Variants in ADCY1 observed in about 807,000 individuals in gnomAD.
The protein encoded by ADCY1 is adenylate cyclase 1.
In ADCY1, 28 loss-of-function variants were observed where a neutral mutation model predicts 105.4. The ratio of observed to expected loss-of-function variants is 0.27; its 90% CI spans 0.20 to 0.36. ADCY1 has a LOEUF of 0.36. Among genes scored for constraint, ADCY1 ranks in the 10% least tolerant of loss-of-function variants. The probability of loss-of-function intolerance (pLI) is 1.00; values close to 1 mark genes in which losing one functional copy is unlikely to be tolerated. For synonymous variants in ADCY1, 655 were observed against 623.8 expected (o/e 1.05, Z -0.75); for missense variants, 977 against 1,434.2 (o/e 0.68, Z 5.15).
At chr7:45,599,912 C>T (rs928465921) in intron 2 of ADCY1, among the ~76,000 whole-genome samples, 4 of 152,226 alleles carry the variant, frequency 2.6e-5, no homozygotes, top group African/African-American at 7.2e-5. Flanking sequence ...AGGTGTGAGC[C>T]GCCTTGAGCG....
At position 45,678,344 on chromosome 7, in the gene ADCY1, G is replaced by A. The variant is rs12690837; in HGVS notation, c.1898+81G>A. The A allele has an allele frequency of 0.084, 115,735 of 1,374,448 alleles. 5,635 individuals are homozygous for A. Among genetic ancestry groups the A allele is most frequent in the Non-Finnish European group, 0.098 (94,345 of 964,564 alleles). 85.1% of individuals were successfully genotyped at this position (1,374,448 alleles called of 1,614,324 possible). ...GTTCGTGGTTGTGTTTCTGGGGTTCGTGGTTGTGTTTCTGTTGTATGCTCA... is the reference window on the plus strand; with the variant it reads ...GTTCGTGGTTGTGTTTCTGGGGTTCATGGTTGTGTTTCTGTTGTATGCTCA... On this transcript the variant is annotated intron_variant, in intron 10 of 19. Coordinates refer to ENST00000297323, the MANE Select transcript of ADCY1 (RefSeq NM_021116.4).
intron 2 of ADCY1, among the ~76,000 whole-genome samples, chr7:45,599,115 A>G (rs571866540): frequency 1.3e-5 from 2 of 152,268 alleles, no homozygotes; most frequent in South Asian, 2.1e-4. Context: ...CACCTGTGCA[A>G]GTGGAACTGA....
chr7:45,606,628 A>G (rs893094184), intron 2 of ADCY1, among the ~76,000 whole-genome samples: 4 of 152,214 alleles, frequency 2.6e-5, no homozygotes, highest in South Asian at 2.1e-4. Context: ...TGTAACATCC[A>G]GGACTTTCAG....
rs1445218618 is a variant in ADCY1, at chr7:45,685,954, C to T, written c.2074-8C>T. 1.2e-6 allele frequency: 2 copies of T among 1,610,176 alleles called. No homozygotes were observed. Among genetic ancestry groups the T allele is most frequent in the Non-Finnish European group, 1.7e-6 (2 of 1,177,732 alleles). On this transcript the variant is annotated splice_polypyrimidine_tract_variant and splice_region_variant and intron_variant, in intron 12 of 19. Transcript: ENST00000297323. ...TTTGCTAAGCCCCTGTGACCCCTCC[C>T]TTCCCAGGTGGGCTGCCTGCCTTGG...
chr7:45,679,477 A>G (rs1050051495), intron 10 of ADCY1, among the ~76,000 whole-genome samples: 7 of 152,216 alleles, frequency 4.6e-5, no homozygotes, highest in Non-Finnish European at 7.3e-5. Context: ...AGTGGGAGGT[A>G]GACTCAGGAG....
At chr7:45,687,802 CTG>C (rs986008904) in intron 14 of ADCY1, among the ~76,000 whole-genome samples, 2 of 152,164 alleles carry the variant, frequency 1.3e-5, no homozygotes, top group Non-Finnish European at 2.9e-5. Flanking sequence ...CAGCTGCCAT[CTG>C]TGTGATCTTT....
chr7:45,659,411 C>A (rs569557889), intron 6 of ADCY1, among the ~76,000 whole-genome samples: 1 of 152,192 alleles, frequency 6.6e-6, no homozygotes, highest in South Asian at 2.1e-4. Context: ...CATAAACCTG[C>A]GAGCTCAGGC....
At chr7:45,610,978 G>GC (rs1554318284) in intron 3 of ADCY1, among the ~76,000 whole-genome samples, 8 of 18,740 alleles carry the variant, frequency 4.3e-4, no homozygotes, top group Middle Eastern at 0.045. Context: ...TGGTGGAGGT[G>GC]GGGGGTGATA....
At chr7:45,598,861 C>G (rs543352290) in intron 2 of ADCY1, among the ~76,000 whole-genome samples, 1 of 152,276 alleles carries the variant, frequency 6.6e-6, no homozygotes, top group East Asian at 1.9e-4. Flanking sequence ...GGACGGAGCT[C>G]GGATTCCCAC....
intron 3 of ADCY1, among the ~76,000 whole-genome samples, chr7:45,617,420 G>A (rs1793767788): frequency 1.3e-5 from 2 of 152,226 alleles, no homozygotes. Flanking sequence ...GGTCAGCTGT[G>A]ATAGGTGGGA....
chr7:45,628,681 A>G (rs78055697), intron 4 of ADCY1, among the ~76,000 whole-genome samples: 7,224 of 152,170 alleles, frequency 0.047, 251 homozygotes, highest in South Asian at 0.16. Flanking sequence ...GAATCTGTCA[A>G]TTTTCCTAGG....
chr7:45,685,920 C>T (rs755145926), intron 12 of ADCY1, 42 bp from the exon 13 acceptor site: 8 of 1,583,796 alleles, frequency 5.1e-6, no homozygotes, highest in Admixed American at 3.4e-5. Flanking sequence ...TGCAGGTCTT[C>T]ACCTGCCCTT....
intron 4 of ADCY1, among the ~76,000 whole-genome samples, chr7:45,623,657 T>G (rs1279898071): frequency 6.6e-6 from 1 of 152,230 alleles, no homozygotes; most frequent in Non-Finnish European, 1.5e-5. Flanking sequence ...AAAGCTAGAA[T>G]GTGCCCTATT....
intron 14 of ADCY1, among the ~76,000 whole-genome samples, chr7:45,698,216 A>G (rs1784924985): frequency 1.3e-5 from 2 of 152,138 alleles, no homozygotes; most frequent in South Asian, 4.1e-4. Context: ...TTCCTAGGGC[A>G]GTGTGGAACA....
At chr7:45,637,617 T>TTGA (rs897834991) in intron 4 of ADCY1, among the ~76,000 whole-genome samples, 10 of 152,144 alleles carry the variant, frequency 6.6e-5, no homozygotes, top group Non-Finnish European at 1.0e-4. Context: ...CCTACTTATT[T>TTGA]GGGAGGCTGA....
chr7:45,689,468 C>T (rs1784746382), intron 14 of ADCY1, among the ~76,000 whole-genome samples: 1 of 152,100 alleles, frequency 6.6e-6, no homozygotes, highest in African/African-American at 2.4e-5. Context: ...CATGAACATA[C>T]ATGTCACATG....
chr7:45,633,197 C>T (rs1038782612), intron 4 of ADCY1, among the ~76,000 whole-genome samples: 2 of 152,216 alleles, frequency 1.3e-5, no homozygotes, highest in Non-Finnish European at 2.9e-5. Context: ...GTATTACAGG[C>T]GTAAGTCACA....
At chr7:45,657,693 G>A (rs776743815) in intron 5 of ADCY1, 34 bp from the exon 6 acceptor site, 2 of 1,595,492 alleles carry the variant, frequency 1.3e-6, no homozygotes, top group Admixed American at 1.7e-5. Context: ...ATACAAGGTG[G>A]GCCCTAGCCC....
rs768506366 is a variant in ADCY1 at position 45,575,110 on chromosome 7, C to T, written c.567C>T (p.Leu189=). The T allele has an allele frequency of 1.9e-6, 3 of 1,612,480 alleles. No homozygotes were observed. Among genetic ancestry groups the T allele is most frequent in the African/African-American group, 1.3e-5 (1 of 75,054 alleles). ...VRSLLAIGFG[L]VVAASHLLVT... ...GCCTGCTGGCCATAGGCTTTGGGCT[C>T]GTGGTGGCTGCGTCGCACTTGCTGG... The change falls in exon 1 of 20, where the codon CTC becomes CTT. Residue 189 remains leucine, a synonymous_variant. Coordinates refer to ENST00000297323, the MANE Select transcript of ADCY1 (RefSeq NM_021116.4). This position sits in a 1 kb window ranked among gnomAD's most constrained non-coding sequence, Gnocchi z 4.7.
Sources: allele counts gnomAD v4.1 joint callset (sites outside exome capture counted in the v4.1 genomes callset), GRCh38; gene constraint gnomAD v4.1.1; non-coding constraint Gnocchi (gnomAD v3.1); transcripts MANE v1.5; gene names NCBI Gene and HGNC (gene_info 2026-07-23, HGNC 2026-07-21).